RAD51B: variants seen among roughly 807,000 people sequenced by gnomAD.
RAD51B encodes the protein RAD51 paralog B, also known as DNA repair protein RAD51 homolog 2.
A neutral mutation model predicts 42.2 loss-of-function variants in RAD51B; 38 were observed. That is an observed-to-expected ratio of 0.90 (90% confidence interval 0.70 to 1.18). RAD51B has a LOEUF of 1.18. Ranked by LOEUF, RAD51B falls within the 50% of genes most tolerant of loss-of-function variation. RAD51B has a pLI of 0.00. For synonymous variants in RAD51B, 154 were observed against 145.2 expected, an observed-to-expected ratio of 1.06 and a Z score of -0.43; for missense variants, 373 against 400.7, an observed-to-expected ratio of 0.93 and a Z score of 0.59.
chr14:68,626,043 G>T (rs1892073255), intron 10 of RAD51B, among the ~76,000 whole-genome samples: 1 of 152,214 alleles, frequency 6.6e-6, no homozygotes, highest in Non-Finnish European at 1.5e-5. Context: ...ACCTCAAGAT[G>T]CTGTTCCAGC....
At chr14:68,629,206 G>A (rs184079991) in intron 10 of RAD51B, among the ~76,000 whole-genome samples, 1 of 152,268 alleles carries the variant, frequency 6.6e-6, no homozygotes, top group African/African-American at 2.4e-5. Context: ...GCCTTCAGCT[G>A]ACAGAGAAGC....
intron 9 of RAD51B, among the ~76,000 whole-genome samples, chr14:68,450,724 T>C (rs2085539397): frequency 6.6e-6 from 1 of 152,192 alleles, no homozygotes; most frequent in Admixed American, 6.5e-5. Context: ...GAACATGTGG[T>C]ATTTACATAA....
At chr14:68,659,841 C>A (rs17835200) in intron 11 of RAD51B, among the ~76,000 whole-genome samples, 6,552 of 152,356 alleles carry the variant, frequency 0.043, 187 homozygotes, top group Non-Finnish European at 0.061. Context: ...GCTCAGCCTG[C>A]TGCCAATGGA....
At chr14:68,031,813 G>A (rs532810021) in intron 7 of RAD51B, among the ~76,000 whole-genome samples, 2 of 152,262 alleles carry the variant, frequency 1.3e-5, no homozygotes, top group African/African-American at 4.8e-5. Flanking sequence ...ATCTGAGATG[G>A]AAAATTTCTT....
At chr14:68,582,383 G>A (rs913310788) in intron 10 of RAD51B, among the ~76,000 whole-genome samples, 3 of 152,130 alleles carry the variant, frequency 2.0e-5, no homozygotes, top group South Asian at 2.1e-4. Flanking sequence ...ACATTTATGC[G>A]GTCAACAAAC....
chr14:68,184,751 G>A lies in RAD51B; in HGVS notation c.757-107133G>A, dbSNP rs1316194433. ...GCTTCTCTCCAAAGACCATTGGTAA[G>A]TTTACCTGTAAATGGAAACAAAATA... On this transcript the variant is annotated intron_variant, in intron 7 of 10. Transcript: ENST00000471583. Among the ~76,000 whole-genome samples, 9 of 151,932 alleles carry A rather than the reference G, an allele frequency of 5.9e-5. No individual in the cohort carries two copies. In the South Asian group the frequency reaches 8.3e-4, roughly 14 times the overall value.
At chr14:68,336,096 AGAGGTTATTCG>A (rs2082449939) in intron 8 of RAD51B, among the ~76,000 whole-genome samples, 1 of 152,250 alleles carries the variant, frequency 6.6e-6, no homozygotes, top group African/African-American at 2.4e-5. Flanking sequence ...TACCTATTTC[AGAGGTTATTCG>A]GAGAGTTAAA....
At chr14:68,529,712 T>C (rs1466889914) in intron 10 of RAD51B, among the ~76,000 whole-genome samples, 2 of 152,152 alleles carry the variant, frequency 1.3e-5, no homozygotes, top group East Asian at 3.8e-4. Flanking sequence ...AAGACCTTAC[T>C]CTCTAAATTA....
At chr14:68,154,706 T>G (rs2140791235) in intron 7 of RAD51B, among the ~76,000 whole-genome samples, 1 of 152,306 alleles carries the variant, frequency 6.6e-6, no homozygotes, top group African/African-American at 2.4e-5. Context: ...TTTTTTTTTT[T>G]TTCCCTCATC....
intron 9 of RAD51B, among the ~76,000 whole-genome samples, chr14:68,420,714 A>G (rs1235011966): frequency 1.3e-5 from 2 of 152,196 alleles, no homozygotes; most frequent in African/African-American, 4.8e-5. Context: ...CTTTACTGCA[A>G]CCTGCTTTAT....
At chr14:68,643,029 A>T (rs1892494202) in intron 10 of RAD51B, among the ~76,000 whole-genome samples, 1 of 152,204 alleles carries the variant, frequency 6.6e-6, no homozygotes, top group Non-Finnish European at 1.5e-5. Context: ...GTCTTGGTGA[A>T]TGTTCCATGT....
intron 7 of RAD51B, among the ~76,000 whole-genome samples, chr14:67,891,205 T>G (rs2043208616): frequency 6.6e-6 from 1 of 152,130 alleles, no homozygotes; most frequent in Non-Finnish European, 1.5e-5. Flanking sequence ...CAGTTAACAC[T>G]ATTTACAAAA....
rs936683416 is a variant in RAD51B at position 68,248,068 on chromosome 14, G to C, written c.757-43816G>C. 3.8e-4 allele frequency among the ~76,000 whole-genome samples: 58 copies of C among 152,188 alleles called. 1 individual carries two copies. Among genetic ancestry groups the C allele is most frequent in the Non-Finnish European group, 1.6e-4 (11 of 68,036 alleles). The stretch of plus-strand genomic sequence containing the variant: ...ATTGCACAACTCACCAGCACAGCGA[G>C]GAAGCTACTGAATTGGGACTCACAC... On this transcript the variant is annotated intron_variant, in intron 7 of 10. Coordinates refer to ENST00000471583, the MANE Select transcript of RAD51B (RefSeq NM_133510.4).
chr14:68,001,576 G>A (rs1696316989), intron 7 of RAD51B, among the ~76,000 whole-genome samples: 2 of 152,164 alleles, frequency 1.3e-5, no homozygotes, highest in Admixed American at 6.5e-5. Flanking sequence ...TGCATGTGCA[G>A]GATGTGCAGG....
chr14:68,240,663 C>T (rs962505131), intron 7 of RAD51B, among the ~76,000 whole-genome samples: 2 of 152,198 alleles, frequency 1.3e-5, no homozygotes, highest in Admixed American at 6.5e-5. Flanking sequence ...GTTCTATTCC[C>T]GTAGTCGTCC....
chr14:68,117,904 G>A (rs1002639927), intron 7 of RAD51B, among the ~76,000 whole-genome samples: 2 of 152,160 alleles, frequency 1.3e-5, no homozygotes, highest in East Asian at 1.9e-4. Context: ...GCCGTTAGAA[G>A]CCATTTATGG....
intron 5 of RAD51B, among the ~76,000 whole-genome samples, chr14:67,867,639 A>T (rs1451379214): frequency 3.3e-5 from 5 of 152,226 alleles, no homozygotes; most frequent in Admixed American, 3.3e-4. Context: ...CGTCGTAACA[A>T]TCATGATGAG....
At chr14:68,146,262 C>G (rs2078246488) in intron 7 of RAD51B, among the ~76,000 whole-genome samples, 1 of 152,040 alleles carries the variant, frequency 6.6e-6, no homozygotes, top group South Asian at 2.1e-4. Flanking sequence ...CCAGCTTGGG[C>G]AACGTGGTGA....
intron 10 of RAD51B, among the ~76,000 whole-genome samples, chr14:68,604,352 T>C (rs1198979319): frequency 6.9e-6 from 1 of 145,296 alleles, no homozygotes; most frequent in Non-Finnish European, 1.5e-5. Context: ...ATTTGACAAG[T>C]GCAAAGGGCT....
Sources: allele counts gnomAD v4.1 joint callset (sites outside exome capture counted in the v4.1 genomes callset), GRCh38; gene constraint gnomAD v4.1.1; transcripts MANE v1.5; gene names NCBI Gene and HGNC (gene_info 2026-07-23, HGNC 2026-07-21).